DCDC2: variants seen among roughly 807,000 people sequenced by gnomAD.
DCDC2 encodes the protein doublecortin domain containing 2.
DCDC2 carries 40 observed loss-of-function variants against 50.2 expected under a neutral mutation model. The observed-to-expected ratio is 0.80, with a 90% confidence interval of 0.62 to 1.04. The LOEUF (loss-of-function observed/expected upper bound fraction) is 1.04. DCDC2 is among the 50% of genes least tolerant of loss of function. The pLI is 0.00. For synonymous variants in DCDC2, 234 were observed against 210.6 expected (o/e 1.11, Z -0.96); for missense variants, 570 against 581.9 (o/e 0.98, Z 0.21).
intron 8 of DCDC2, among the ~76,000 whole-genome samples, chr6:24,196,693 G>T (rs1044837263): frequency 2.6e-5 from 4 of 152,180 alleles, no homozygotes; most frequent in Non-Finnish European, 4.4e-5. Flanking sequence ...CCAGAATGCT[G>T]GGATTACAGG....
chr6:24,359,256 A>ATT (rs1760593003), upstream of DCDC2, among the ~76,000 whole-genome samples: 1 of 68,462 alleles, frequency 1.5e-5, no homozygotes, highest in African/African-American at 6.0e-5. Context: ...TATTATATAT[A>ATT]ATATATATTT....
chr6:24,261,218 T>TTG, intron 7 of DCDC2, among the ~76,000 whole-genome samples: 1 of 151,844 alleles, frequency 6.6e-6, no homozygotes, highest in South Asian at 2.1e-4. Context: ...TTTTTTTTTT[T>TTG]TGGTGTTCAA....
the DCDC2 span, among the ~76,000 whole-genome samples, chr6:24,382,448 C>T: frequency 6.6e-6 from 1 of 152,112 alleles, no homozygotes; most frequent in Non-Finnish European, 1.5e-5. Flanking sequence ...GCAGTCAATG[C>T]CTTTTTTCCC....
Position 24,255,370 on chromosome 6 carries a change from G to GA in DCDC2, c.922+22678dup, listed in dbSNP as rs10709872. On this transcript the variant is annotated intron_variant, in intron 7 of 9. Coordinates refer to ENST00000378454, the MANE Select transcript of DCDC2 (RefSeq NM_016356.5). ...AAGTTTATATCCAAGTCATAGCACT[G>GA]AAAAAAAAAAAAGGAAAACAAGCTT... 3.6e-3 allele frequency among the ~76,000 whole-genome samples: 499 copies of GA among 138,434 alleles called. 2 individuals are homozygous for GA. The highest frequency in any genetic ancestry group is 0.011 in the Middle Eastern group (3 of 268). The allele number at this position is 138,434 out of a possible 152,430, so 90.8% of individuals were successfully genotyped here. A position where few individuals can be genotyped will look rare whatever the true frequency, so the allele number is the denominator to read the frequency against.
At chr6:24,313,873 C>CG (rs778521537) in intron 2 of DCDC2, among the ~76,000 whole-genome samples, 11 of 152,176 alleles carry the variant, frequency 7.2e-5, no homozygotes, top group Non-Finnish European at 1.5e-4. Context: ...GGAGGACAGA[C>CG]GGGGTCCCCA....
chr6:24,298,604 G>A (rs1246494962), intron 4 of DCDC2, among the ~76,000 whole-genome samples: 5 of 152,248 alleles, frequency 3.3e-5, no homozygotes, highest in African/African-American at 9.6e-5. Context: ...TCATAGGGTC[G>A]CTCAGTTAAT....
At chr6:24,294,849 A>G (rs1464179642) in intron 4 of DCDC2, among the ~76,000 whole-genome samples, 1 of 152,194 alleles carries the variant, frequency 6.6e-6, no homozygotes, top group Non-Finnish European at 1.5e-5. Flanking sequence ...GATCAAAAAA[A>G]GCCTCGGACC....
At chr6:24,329,605 A>G (rs1759931929) in intron 2 of DCDC2, among the ~76,000 whole-genome samples, 1 of 152,182 alleles carries the variant, frequency 6.6e-6, no homozygotes, top group Non-Finnish European at 1.5e-5. Context: ...CAGAATGGGG[A>G]ATTGGAGTTA....
At chr6:24,358,618 G>C (rs574522134), upstream of DCDC2, among the ~76,000 whole-genome samples, 4 of 143,126 alleles carry the variant, frequency 2.8e-5, no homozygotes, top group South Asian at 8.7e-4. Context: ...GGAGGTCGAG[G>C]CTGCAGTAAC....
At chr6:24,370,204 C>A in the DCDC2 span, among the ~76,000 whole-genome samples, 2 of 152,108 alleles carry the variant, frequency 1.3e-5, no homozygotes, top group Non-Finnish European at 2.9e-5. Context: ...GCTACTGTTT[C>A]ACATCCACTA....
At chr6:24,334,602 C>G (rs866119625) in intron 2 of DCDC2, among the ~76,000 whole-genome samples, 23 of 152,266 alleles carry the variant, frequency 1.5e-4, no homozygotes, top group African/African-American at 4.6e-4. Flanking sequence ...TTACAGTAAA[C>G]ATGTAACTTA....
chr6:24,251,862 A>G (rs138571891), intron 7 of DCDC2, among the ~76,000 whole-genome samples: 1 of 152,308 alleles, frequency 6.6e-6, no homozygotes, highest in East Asian at 1.9e-4. Context: ...GTATACAACC[A>G]TCAGATAATT....
At chr6:24,340,137 C>T (rs1760129726) in intron 2 of DCDC2, among the ~76,000 whole-genome samples, 1 of 152,090 alleles carries the variant, frequency 6.6e-6, no homozygotes, top group Non-Finnish European at 1.5e-5. Flanking sequence ...CTCTCATCTG[C>T]AGACGTTCAC....
intron 2 of DCDC2, among the ~76,000 whole-genome samples, chr6:24,346,695 A>G (rs1304066084): frequency 6.6e-6 from 1 of 151,622 alleles, no homozygotes; most frequent in Non-Finnish European, 1.5e-5. Context: ...TAGATGTTGC[A>G]GTGAGCCGAG....
chr6:24,357,716 G>A lies in DCDC2; in HGVS notation c.35C>T (p.Ser12Phe). 1 of 1,613,004 alleles carries A rather than the reference G, an allele frequency of 6.2e-7. No homozygotes were observed. Among genetic ancestry groups the A allele is most frequent in the Non-Finnish European group, 8.5e-7 (1 of 1,179,750 alleles). ...SGSSARSSHL[S>F]QPVVKSVLVY... ...AAGCACGCTCTTCACGACGGGCTGA[G>A]ACAGGTGGCTGGACCTGGCGCTGCT... The change falls in exon 1 of 10, where the codon TCT becomes TTT. Residue 12 changes from serine to phenylalanine, a missense_variant. Coordinates refer to ENST00000378454, the MANE Select transcript of DCDC2 (RefSeq NM_016356.5).
At chr6:24,320,728 A>G (rs1240467809) in intron 2 of DCDC2, among the ~76,000 whole-genome samples, 15 of 152,304 alleles carry the variant, frequency 9.8e-5, no homozygotes, top group African/African-American at 3.6e-4. Flanking sequence ...ATGTATAGTT[A>G]TATATGTACA....
intron 2 of DCDC2, among the ~76,000 whole-genome samples, chr6:24,330,631 T>C (rs1759949054): frequency 6.6e-6 from 1 of 152,146 alleles, no homozygotes; most frequent in East Asian, 1.9e-4. Flanking sequence ...TACTCTTTCA[T>C]CTCTTTCAAG....
intron 7 of DCDC2, among the ~76,000 whole-genome samples, chr6:24,228,299 T>C (rs1351891696): frequency 9.2e-5 from 14 of 152,244 alleles, no homozygotes; most frequent in Admixed American, 7.2e-4. Context: ...AATTTACTCA[T>C]TGGTTTTTTA....
chr6:24,353,738 G>C (rs535207528), intron 1 of DCDC2, 115 bp from the exon 2 acceptor site: 7 of 603,694 alleles, frequency 1.2e-5, no homozygotes, highest in African/African-American at 1.1e-4. Context: ...CAACCTTAAA[G>C]CAAAAACAAA....
Sources: gnomAD v4.1 joint callset for allele counts (sites outside exome capture counted in the v4.1 genomes callset) on GRCh38, gnomAD v4.1.1 for gene constraint, MANE v1.5 for transcripts, NCBI Gene and HGNC (gene_info 2026-07-23, HGNC 2026-07-21) for gene names.